ANGPT4: variants seen among roughly 807,000 people sequenced by gnomAD.
ANGPT4 encodes the protein angiopoietin-4.
A neutral mutation model predicts 53.0 loss-of-function variants in ANGPT4; 50 were observed. The ratio of observed to expected loss-of-function variants is 0.94; its 90% CI spans 0.75 to 1.20. The LOEUF is 1.20. ANGPT4 is among the 50% of genes most tolerant of loss of function. ANGPT4 has a pLI of 0.00. For synonymous variants in ANGPT4, 251 were observed against 259.7 expected (o/e 0.97, Z 0.32); for missense variants, 648 against 637.1 (o/e 1.02, Z -0.18).
At chr20:888,192 C>T in intron 3 of ANGPT4, 126 bp downstream of exon 3, 1 of 1,316,354 alleles carries the variant, frequency 7.6e-7, no homozygotes, top group Non-Finnish European at 1.0e-6. Flanking sequence ...AGACACCAGC[C>T]CACGTCCAGC....
At chr20:907,424 G>A (rs879915658) in intron 1 of ANGPT4, among the ~76,000 whole-genome samples, 1 of 152,170 alleles carries the variant, frequency 6.6e-6, no homozygotes, top group Admixed American at 6.5e-5. Flanking sequence ...TCAGGCTCAG[G>A]TATGCCTTTG....
Position 885,723 on chromosome 20 carries a change from C to T in ANGPT4, c.588-398G>A, listed in dbSNP as rs145474170. On this transcript the variant is annotated intron_variant, in intron 3 of 8. Transcript: ENST00000381922. ...AACCAAAAAAGATATAGCCTAGATG[C>T]CCAAAAGCCAGGACTGGCTGAATCC... Among the ~76,000 whole-genome samples, 778 of 152,240 alleles carry T rather than the reference C, an allele frequency of 5.1e-3. 11 individuals carry two copies. Among genetic ancestry groups the T allele is most frequent in the African/African-American group, 0.018 (742 of 41,530 alleles).
intron 1 of ANGPT4, among the ~76,000 whole-genome samples, chr20:892,590 G>A (rs562610195): frequency 3.6e-5 from 4 of 112,056 alleles, no homozygotes; most frequent in Non-Finnish European, 6.8e-5. Flanking sequence ...GTGAGACCGT[G>A]TCTCAAAAAA....
intron 7 of ANGPT4, among the ~76,000 whole-genome samples, chr20:877,357 A>G (rs1404137898): frequency 1.3e-5 from 2 of 152,212 alleles, no homozygotes; most frequent in Non-Finnish European, 2.9e-5. Context: ...AGGCTTATCT[A>G]AAAGATCCTT....
At chr20:902,723 T>C (rs1268012796) in intron 1 of ANGPT4, among the ~76,000 whole-genome samples, 1 of 152,190 alleles carries the variant, frequency 6.6e-6, no homozygotes, top group Non-Finnish European at 1.5e-5. Context: ...AATTTTTTTT[T>C]CTGAGAGAGG....
chr20:887,000 GTT>G (rs1231858833), intron 3 of ANGPT4, among the ~76,000 whole-genome samples: 1 of 152,202 alleles, frequency 6.6e-6, no homozygotes, highest in East Asian at 1.9e-4. Context: ...CATGAAAAGA[GTT>G]TGAAAAATAA....
intron 7 of ANGPT4, among the ~76,000 whole-genome samples, chr20:876,733 G>T (rs1415519554): frequency 6.6e-6 from 1 of 150,416 alleles, no homozygotes; most frequent in African/African-American, 2.4e-5. Flanking sequence ...ACTCAGCATA[G>T]TGTTGTAGCT....
intron 1 of ANGPT4, among the ~76,000 whole-genome samples, 170 bp downstream of exon 1, chr20:915,736 C>T (rs940808480): frequency 1.3e-5 from 2 of 152,144 alleles, no homozygotes; most frequent in African/African-American, 2.4e-5. Context: ...TGCCAGCTGA[C>T]ATTGCCCAAT....
chr20:888,483 A>G (rs1275729559), intron 2 of ANGPT4, 44 bp from the exon 3 acceptor site: 1 of 1,577,636 alleles, frequency 6.3e-7, no homozygotes. Context: ...CGTAAGCGCT[A>G]CAGGAGCCCT....
chr20:899,488 C>G (rs550738537), intron 1 of ANGPT4, among the ~76,000 whole-genome samples: 2 of 152,008 alleles, frequency 1.3e-5, no homozygotes, highest in South Asian at 4.2e-4. Context: ...TTCCTGACCT[C>G]GTGATTTGCC....
rs6055765 is a variant in ANGPT4 at position 906,210 on chromosome 20, G to A, written c.309+9696C>T. 6.2e-3 allele frequency among the ~76,000 whole-genome samples: 941 copies of A among 152,210 alleles called. 14 individuals carry two copies. The highest frequency in any genetic ancestry group is 0.021 in the African/African-American group (874 of 41,506). On this transcript the variant is annotated intron_variant, in intron 1 of 8. Transcript: ENST00000381922. ...TGTCTTGCCCTCTCTTGGACCACAC[G>A]CTTTAGAGGAAGTAGGCCACTATGG...
Position 908,718 on chromosome 20 carries a change from T to C in ANGPT4, c.309+7188A>G, listed in dbSNP as rs1982578984. Among the ~76,000 whole-genome samples, 1 of 151,048 alleles carries C rather than the reference T, an allele frequency of 6.6e-6. No individual in the cohort carries two copies. The highest frequency in any genetic ancestry group is 1.5e-5 in the Non-Finnish European group (1 of 67,670). On this transcript the variant is annotated intron_variant, in intron 1 of 8. Transcript: ENST00000381922. This position sits in a 1 kb window ranked among gnomAD's most constrained non-coding sequence, Gnocchi z 4.9. ...AGGGACAATTAAATGAATGCAGGAA[T>C]GAATATTCTTACCTGACAAACTAAG...
At chr20:910,769 G>A (rs761448374) in intron 1 of ANGPT4, among the ~76,000 whole-genome samples, 2 of 152,118 alleles carry the variant, frequency 1.3e-5, no homozygotes, top group Admixed American at 1.3e-4. Flanking sequence ...AAATAAACCC[G>A]TCCTTTTGGG....
intron 8 of ANGPT4, among the ~76,000 whole-genome samples, chr20:873,682 TAA>T (rs1981042558): frequency 6.6e-6 from 1 of 152,064 alleles, no homozygotes; most frequent in South Asian, 2.1e-4. Flanking sequence ...CTCCTTGGGC[TAA>T]GTCTTTCTCC....
At chr20:904,694 A>G (rs1409056184) in intron 1 of ANGPT4, among the ~76,000 whole-genome samples, 1 of 152,134 alleles carries the variant, frequency 6.6e-6, no homozygotes, top group East Asian at 1.9e-4. Flanking sequence ...TGGTGTGATC[A>G]TGGCTCACTG....
chr20:911,109 T>C lies in ANGPT4; in HGVS notation c.309+4797A>G, dbSNP rs1275996285. 6.6e-6 allele frequency among the ~76,000 whole-genome samples: 1 copy of C among 152,162 alleles called. No individual in the cohort carries two copies. Among genetic ancestry groups the C allele is most frequent in the African/African-American group, 2.4e-5 (1 of 41,414 alleles). The stretch of plus-strand genomic sequence containing the variant: ...GGCAGCCTGGGAAGGCTGGGGCAAC[T>C]GGAACCCTGACTCCCAAACCAGGTC... On this transcript the variant is annotated intron_variant, in intron 1 of 8. Transcript: ENST00000381922. The surrounding 1 kb of genome is among the most constrained non-coding windows in gnomAD (Gnocchi z 4.9).
At chr20:881,021 C>T (rs916542941) in intron 5 of ANGPT4, 150 bp downstream of exon 5, 5 of 579,728 alleles carry the variant, frequency 8.6e-6, no homozygotes, top group Non-Finnish European at 1.5e-5. Flanking sequence ...CAATCTGATC[C>T]CTGACTGCTG....
chr20:892,411 C>T (rs1337198220), intron 1 of ANGPT4, among the ~76,000 whole-genome samples: 5 of 152,020 alleles, frequency 3.3e-5, no homozygotes, highest in Non-Finnish European at 7.4e-5. Context: ...GCCTGGGCAA[C>T]ATGGTGAAAC....
At chr20:886,694 C>T (rs60748410) in intron 3 of ANGPT4, among the ~76,000 whole-genome samples, 27,791 of 152,134 alleles carry the variant, frequency 0.18, 2,767 homozygotes, top group East Asian at 0.46. Context: ...TATTTTATAA[C>T]AAAATGTTGA....
Sources: allele counts gnomAD v4.1 joint callset (sites outside exome capture counted in the v4.1 genomes callset), GRCh38; gene constraint gnomAD v4.1.1; non-coding constraint Gnocchi (gnomAD v3.1); transcripts MANE v1.5; gene names NCBI Gene and HGNC (gene_info 2026-07-23, HGNC 2026-07-21).